AGBL4: variants seen among roughly 807,000 people sequenced by gnomAD.
AGBL4 encodes AGBL carboxypeptidase 4.
Under a neutral mutation model 66.4 loss-of-function variants are expected in AGBL4, and 58 were observed. The ratio of observed to expected loss-of-function variants is 0.87; its 90% confidence interval spans 0.71 to 1.09. The LOEUF (loss-of-function observed/expected upper bound fraction) is 1.09, where lower values mean the gene tolerates loss of function less well. AGBL4 is among the 50% of genes least tolerant of loss of function. The pLI, the probability that AGBL4 is intolerant of heterozygous loss-of-function variation, is 0.00. For missense variants in AGBL4, 579 were observed against 631.0 expected (o/e 0.92, Z 0.88); for synonymous variants, 234 against 222.9 (o/e 1.05, Z -0.44).
intron 3 of AGBL4, among the ~76,000 whole-genome samples, chr1:49,306,242 A>G (rs1331704921): frequency 6.6e-6 from 1 of 152,180 alleles, no homozygotes; most frequent in Non-Finnish European, 1.5e-5. Flanking sequence ...TGTTTCCAAG[A>G]TATATACATG....
At chr1:49,027,117 G>C (rs1663761097) in intron 5 of AGBL4, among the ~76,000 whole-genome samples, 1 of 152,098 alleles carries the variant, frequency 6.6e-6, no homozygotes, top group African/African-American at 2.4e-5. Flanking sequence ...GGTAGAAGGA[G>C]CACAGCATAC....
At chr1:49,518,223 T>C (rs1171897293) in intron 3 of AGBL4, among the ~76,000 whole-genome samples, 1 of 152,032 alleles carries the variant, frequency 6.6e-6, no homozygotes, top group East Asian at 1.9e-4. Context: ...GGCCAATATA[T>C]CAGGGAAAAC....
intron 5 of AGBL4, among the ~76,000 whole-genome samples, chr1:48,995,159 C>A (rs1300184584): frequency 6.6e-6 from 1 of 152,198 alleles, no homozygotes; most frequent in Admixed American, 6.5e-5. Context: ...TACTCTCCCT[C>A]CATATGTGAT....
chr1:49,039,639 G>A (rs1664954662), intron 5 of AGBL4, among the ~76,000 whole-genome samples: 1 of 152,074 alleles, frequency 6.6e-6, no homozygotes, highest in Admixed American at 6.6e-5. Flanking sequence ...TTGTTATCAT[G>A]TGCAAATAAA....
At chr1:48,739,558 C>A (rs971926991) in intron 6 of AGBL4, among the ~76,000 whole-genome samples, 1 of 152,176 alleles carries the variant, frequency 6.6e-6, no homozygotes, top group Non-Finnish European at 1.5e-5. Flanking sequence ...GCTGGAGCTG[C>A]CAGCCTGGGT....
intron 9 of AGBL4, among the ~76,000 whole-genome samples, chr1:48,597,779 TGGAA>T (rs1462636801): frequency 3.5e-5 from 3 of 86,542 alleles, no homozygotes; most frequent in African/African-American, 1.4e-4. Context: ...GAAGAAAGGG[TGGAA>T]GGAAGGAAGG....
At chr1:48,900,980 C>G (rs1652025954) in intron 5 of AGBL4, among the ~76,000 whole-genome samples, 1 of 151,850 alleles carries the variant, frequency 6.6e-6, no homozygotes, top group African/African-American at 2.4e-5. Context: ...TGATAAAGGG[C>G]TTGAATCTAG....
intron 1 of AGBL4, among the ~76,000 whole-genome samples, chr1:49,949,173 T>A (rs868780337): frequency 6.6e-6 from 1 of 151,290 alleles, no homozygotes; most frequent in Non-Finnish European, 1.5e-5. Flanking sequence ...TCATCTCTCA[T>A]CTTATACAAA....
intron 4 of AGBL4, among the ~76,000 whole-genome samples, chr1:49,182,190 G>A (rs986509613): frequency 1.5e-4 from 23 of 152,182 alleles, no homozygotes; most frequent in Non-Finnish European, 3.2e-4. Flanking sequence ...CCTTAGAAGT[G>A]GATCCTGAAA....
At chr1:48,799,455 C>T (rs771403586) in intron 6 of AGBL4, among the ~76,000 whole-genome samples, 2 of 152,148 alleles carry the variant, frequency 1.3e-5, no homozygotes, top group Non-Finnish European at 2.9e-5. Flanking sequence ...GACAGTTTAA[C>T]TCCCTCTTTA....
intron 3 of AGBL4, among the ~76,000 whole-genome samples, chr1:49,567,284 G>C (rs906680789): frequency 2.6e-5 from 4 of 152,124 alleles, no homozygotes; most frequent in Non-Finnish European, 4.4e-5. Flanking sequence ...TTTGGCTCAC[G>C]CACGGTGCAC....
intron 4 of AGBL4, among the ~76,000 whole-genome samples, chr1:49,117,746 G>A (rs1429321209): frequency 1.3e-5 from 2 of 151,892 alleles, no homozygotes; most frequent in African/African-American, 2.4e-5. Context: ...GTTTTTTCCA[G>A]TTCTGTGAAG....
At chr1:48,984,275 G>A (rs1446129356) in intron 5 of AGBL4, among the ~76,000 whole-genome samples, 1 of 151,604 alleles carries the variant, frequency 6.6e-6, no homozygotes, top group East Asian at 2.0e-4. Flanking sequence ...TTTAAAGTGG[G>A]AAAGTACCTT....
chr1:48,746,885 GA>G (rs199560065), intron 6 of AGBL4, among the ~76,000 whole-genome samples: 1,602 of 152,316 alleles, frequency 0.011, 19 homozygotes, highest in Non-Finnish European at 0.014. Flanking sequence ...TCAATCAACA[GA>G]GCGCAATGTT....
intron 6 of AGBL4, among the ~76,000 whole-genome samples, chr1:48,832,020 G>A (rs1397949364): frequency 1.3e-5 from 2 of 152,184 alleles, no homozygotes; most frequent in East Asian, 3.9e-4. Flanking sequence ...GAACAACCCT[G>A]AGGGTACTTT....
intron 3 of AGBL4, among the ~76,000 whole-genome samples, chr1:49,555,502 G>A (rs941165340): frequency 1.4e-5 from 2 of 147,430 alleles, no homozygotes; most frequent in Non-Finnish European, 3.0e-5. Flanking sequence ...TCTAGCTTTT[G>A]TGTCTAGCTA....
At chr1:49,551,205 A>AT (rs1208047719) in intron 3 of AGBL4, among the ~76,000 whole-genome samples, 3 of 151,926 alleles carry the variant, frequency 2.0e-5, no homozygotes, top group Non-Finnish European at 2.9e-5. Flanking sequence ...TTCTTGTATC[A>AT]TTTTTTTGAA....
intron 3 of AGBL4, among the ~76,000 whole-genome samples, chr1:49,653,033 G>A (rs1030799850): frequency 2.0e-5 from 3 of 152,146 alleles, no homozygotes; most frequent in African/African-American, 7.2e-5. Context: ...CCCAACAGGA[G>A]TCTCCAGAAA....
intron 11 of AGBL4, among the ~76,000 whole-genome samples, chr1:48,579,804 G>A (rs1644710508): frequency 6.7e-6 from 1 of 149,838 alleles, no homozygotes; most frequent in African/African-American, 2.5e-5. Flanking sequence ...TGTAGTCCCA[G>A]CTACTCAGGA....
Sources: allele counts gnomAD v4.1 joint callset (sites outside exome capture counted in the v4.1 genomes callset), GRCh38; gene constraint gnomAD v4.1.1; transcripts MANE v1.5; gene names NCBI Gene and HGNC (gene_info 2026-07-23, HGNC 2026-07-21).